TMEM242: variants seen among roughly 807,000 people sequenced by gnomAD.
TMEM242 encodes the protein transmembrane protein 242.
In TMEM242, 10 loss-of-function variants were observed where a neutral mutation model predicts 18.2. That is an observed-to-expected ratio of 0.55 (90% CI 0.34 to 0.93). The LOEUF (loss-of-function observed/expected upper bound fraction) is 0.93, where lower values mean the gene tolerates loss of function less well. TMEM242 is among the 40% of genes least tolerant of loss of function. The pLI is 0.02. For synonymous variants in TMEM242, 57 were observed against 69.9 expected (o/e 0.81, Z 0.92); for missense variants, 186 against 175.5 (o/e 1.06, Z -0.34).
intron 3 of TMEM242, among the ~76,000 whole-genome samples, chr6:157,316,459 GA>G (rs1408999448): frequency 6.6e-6 from 1 of 152,138 alleles, no homozygotes; most frequent in African/African-American, 2.4e-5. Context: ...TATATTGGTC[GA>G]AAGCAAAATT....
At chr6:157,300,119 C>G in intron 3 of TMEM242, 1 of 629,522 alleles carries the variant, frequency 1.6e-6, no homozygotes, top group Middle Eastern at 3.6e-4. Context: ...AGACACAGTC[C>G]AACTCATGGC....
intron 3 of TMEM242, among the ~76,000 whole-genome samples, chr6:157,310,831 C>A (rs1554248467): frequency 6.6e-6 from 1 of 151,214 alleles, no homozygotes; most frequent in South Asian, 2.1e-4. Flanking sequence ...CACCCGGCCT[C>A]ATCATAGTGT....
In TMEM242 at chr6:157,304,599, G is replaced by T. The variant is rs1777885052; in HGVS notation, c.328-11600C>A. Among the ~76,000 whole-genome samples the T allele has an allele frequency of 3.9e-5, 6 of 152,026 alleles. No homozygotes were observed. The South Asian group carries it at 1.0e-3, about 26-fold the overall frequency. On this transcript the variant is annotated intron_variant, in intron 3 of 3. Coordinates refer to ENST00000400788, the MANE Select transcript of TMEM242 (RefSeq NM_018452.6). ...TACAATGCATTAGGCAGTGTTACAGGTGCGAGGATATAACAATGACCAAGA... is the reference window on the plus strand; with the variant it reads ...TACAATGCATTAGGCAGTGTTACAGTTGCGAGGATATAACAATGACCAAGA...
chr6:157,310,562 C>T, intron 3 of TMEM242, among the ~76,000 whole-genome samples: 1 of 145,458 alleles, frequency 6.9e-6, no homozygotes, highest in African/African-American at 2.8e-5. Flanking sequence ...CTAGCCTCAT[C>T]ATAGTGCCCC....
intron 3 of TMEM242, among the ~76,000 whole-genome samples, chr6:157,310,084 T>A (rs909783157): frequency 6.6e-6 from 1 of 152,180 alleles, no homozygotes; most frequent in African/African-American, 2.4e-5. Flanking sequence ...TGTTTCTCCT[T>A]CTAAGGGGAG....
At position 157,313,044 on chromosome 6, in the gene TMEM242, G is replaced by C. The variant is rs1554249584; in HGVS notation, c.327+5738C>G. Among the ~76,000 whole-genome samples the C allele has an allele frequency of 5.8e-3, 648 of 111,234 alleles. 4 individuals carry two copies. Among genetic ancestry groups the C allele is most frequent in the South Asian group, 0.01 (33 of 3,148 alleles). 73.0% of individuals were successfully genotyped at this position (111,234 alleles called of 152,430 possible). ...TAGCCTCATCATAGTGTCCCAGTGT[G>C]CACTCACCTGGCCTCATCATAGGGT... is the stretch of plus-strand genomic sequence containing the variant. On this transcript the variant is annotated intron_variant, in intron 3 of 3. Transcript: ENST00000400788.
chr6:157,317,176 C>A (rs587692149), intron 3 of TMEM242, among the ~76,000 whole-genome samples: 1 of 152,210 alleles, frequency 6.6e-6, no homozygotes, highest in East Asian at 1.9e-4. Context: ...CCAGCTATGA[C>A]CCCATTTCCT....
chr6:157,318,680 G>T, intron 3 of TMEM242, 102 bp downstream of exon 3: 2 of 1,443,854 alleles, frequency 1.4e-6, no homozygotes, highest in Non-Finnish European at 1.9e-6. Context: ...TCCCTAGACA[G>T]TGACCAAACT....
intron 2 of TMEM242, among the ~76,000 whole-genome samples, chr6:157,321,255 G>A (rs940405312): frequency 1.8e-4 from 28 of 151,880 alleles, no homozygotes; most frequent in African/African-American, 5.6e-4. Flanking sequence ...TGATCCGCCC[G>A]CCTTGGCCTC....
intron 3 of TMEM242, among the ~76,000 whole-genome samples, chr6:157,302,275 T>C (rs919685599): frequency 5.3e-5 from 8 of 152,230 alleles, no homozygotes; most frequent in Admixed American, 3.9e-4. Flanking sequence ...TTGATAGCTG[T>C]CATTTCTTTT....
chr6:157,293,002 A>G lies in TMEM242; in HGVS notation c.328-3T>C, dbSNP rs1467544610. The G allele has an allele frequency of 6.2e-7, 1 of 1,601,898 alleles. No individual in the cohort carries two copies. The highest frequency in any genetic ancestry group is 8.6e-7 in the Non-Finnish European group (1 of 1,169,190). ...ATTTTACTTCGAAAGTCGTTCATCT[A>G]AAAGAAGAAAAATAATCAGTTATCA... On this transcript the variant is annotated splice_polypyrimidine_tract_variant and splice_region_variant and intron_variant, in intron 3 of 3. Coordinates refer to ENST00000400788, the MANE Select transcript of TMEM242 (RefSeq NM_018452.6).
rs1312589586 is a variant in TMEM242 at position 157,290,559 on chromosome 6, C to T, written c.*2342G>A. ...AGCTCAATACACAGATGGTACGTCT[C>T]ATAAAGAATAACATTATCTGTTCAA... On this transcript the variant is annotated 3_prime_UTR_variant, in exon 4 of 4. Transcript: ENST00000400788. The T allele has an allele frequency of 1.3e-5, 2 of 152,194 alleles. No homozygotes were observed. Among genetic ancestry groups the T allele is most frequent in the Non-Finnish European group, 2.9e-5 (2 of 68,038 alleles). 9.4% of individuals were successfully genotyped at this position (152,194 alleles called of 1,614,324 possible).
chr6:157,317,033 T>C (rs1321594358), intron 3 of TMEM242, among the ~76,000 whole-genome samples: 1 of 152,244 alleles, frequency 6.6e-6, no homozygotes, highest in Non-Finnish European at 1.5e-5. Flanking sequence ...ATGAGGTTGT[T>C]CCTGCAACCC....
chr6:157,309,825 G>A (rs969380708), intron 3 of TMEM242, among the ~76,000 whole-genome samples: 9 of 147,302 alleles, frequency 6.1e-5, no homozygotes, highest in Middle Eastern at 3.7e-3. Flanking sequence ...TTTCACTGAT[G>A]GTTTTTTATT....
chr6:157,304,880 C>A (rs1017637294), intron 3 of TMEM242, among the ~76,000 whole-genome samples: 3 of 152,006 alleles, frequency 2.0e-5, no homozygotes, highest in Admixed American at 6.6e-5. Context: ...GTTTCCTGGG[C>A]AAAGCTAGAG....
intron 3 of TMEM242, among the ~76,000 whole-genome samples, chr6:157,310,496 T>G (rs979245561): frequency 9.7e-4 from 9 of 9,262 alleles, no homozygotes; most frequent in South Asian, 9.9e-3. Context: ...AGCCTCATCA[T>G]AGTGTCCCAG....
At chr6:157,319,352 G>C (rs587763677) in intron 2 of TMEM242, among the ~76,000 whole-genome samples, 8 of 152,276 alleles carry the variant, frequency 5.3e-5, no homozygotes, top group African/African-American at 1.9e-4. Flanking sequence ...TAACCAAATA[G>C]ACATATAATA....
At position 157,305,679 on chromosome 6, in the gene TMEM242, T is replaced by G. The variant is rs933599044; in HGVS notation, c.328-12680A>C. On this transcript the variant is annotated intron_variant, in intron 3 of 3. Coordinates refer to ENST00000400788, the MANE Select transcript of TMEM242 (RefSeq NM_018452.6). The surrounding 1 kb of genome is among the most constrained non-coding windows in gnomAD (Gnocchi z 4.1). ...GTTAAGAGGCTGGCCAGGGGAGGGG[T>G]TGGCACAAGAGACAGGCAAAATGTC... Among the ~76,000 whole-genome samples the G allele has an allele frequency of 7.9e-5, 12 of 151,550 alleles. No homozygotes were observed. Among genetic ancestry groups the G allele is most frequent in the African/African-American group, 1.7e-4 (7 of 41,194 alleles).
intron 3 of TMEM242, among the ~76,000 whole-genome samples, chr6:157,311,370 T>C (rs1554248749): frequency 1.8e-5 from 2 of 111,168 alleles, no homozygotes; most frequent in South Asian, 3.0e-4. Flanking sequence ...AGCCTCATCA[T>C]AGTGTTCCAG....
Sources: allele counts gnomAD v4.1 joint callset (sites outside exome capture counted in the v4.1 genomes callset), GRCh38; gene constraint gnomAD v4.1.1; non-coding constraint Gnocchi (gnomAD v3.1); transcripts MANE v1.5; gene names NCBI Gene and HGNC (gene_info 2026-07-23, HGNC 2026-07-21).